Variants in SEMA4D observed in about 807,000 individuals in gnomAD.
The protein encoded by SEMA4D is semaphorin 4D, also known as semaphorin-4D.
A neutral mutation model predicts 74.8 loss-of-function variants in SEMA4D; 22 were observed. That is an observed-to-expected ratio of 0.29 (90% CI 0.21 to 0.42). SEMA4D has a LOEUF of 0.42. Among genes scored for constraint, SEMA4D ranks in the 10% least tolerant of loss-of-function variants. The pLI, the probability that SEMA4D is intolerant of heterozygous loss-of-function variation, is 1.00. For missense variants in SEMA4D, 937 were observed against 1,118.4 expected (o/e 0.84, Z 2.31); for synonymous variants, 445 against 463.7 (o/e 0.96, Z 0.52).
exon 19 of SEMA4D, chr9:89,361,197 T>A (rs1276925046): frequency 3.3e-5 from 5 of 152,252 alleles, no homozygotes; most frequent in African/African-American, 1.2e-4. Context: ...AGGGGGAACG[T>A]GTGGAGACAA....
At position 89,416,464 on chromosome 9, in the gene SEMA4D, C is replaced by T. The variant is rs565501336; in HGVS notation, c.-243-10765G>A. On this transcript the variant is annotated intron_variant, in intron 2 of 15. Coordinates refer to ENST00000422704, the MANE Select transcript of SEMA4D (RefSeq NM_001371194.2). Reference sequence around the variant, plus strand: ...CGAAGACATGTGTAGAGCAACAACACGCGAGGCGCGACCCACCTGTGTCAA... The same window carrying T: ...CGAAGACATGTGTAGAGCAACAACATGCGAGGCGCGACCCACCTGTGTCAA... Among the ~76,000 whole-genome samples, 45 of 152,294 alleles carry T rather than the reference C, an allele frequency of 3.0e-4. No individual in the cohort carries two copies. In the South Asian group the frequency reaches 8.5e-3, roughly 29 times the overall value.
intron 2 of SEMA4D, among the ~76,000 whole-genome samples, chr9:89,429,316 C>T (rs1023572810): frequency 2.6e-5 from 4 of 152,208 alleles, no homozygotes; most frequent in South Asian, 2.1e-4. Context: ...AGGAGAGCAT[C>T]GACATCCCCA....
chr9:89,412,485 G>T (rs1587693621), intron 2 of SEMA4D, among the ~76,000 whole-genome samples: 1 of 152,278 alleles, frequency 6.6e-6, no homozygotes, highest in South Asian at 2.1e-4. Context: ...TGGTTATGTT[G>T]AAAAGAAACC....
chr9:89,438,260 G>A (rs1184166573), intron 2 of SEMA4D, among the ~76,000 whole-genome samples: 1 of 152,272 alleles, frequency 6.6e-6, no homozygotes, highest in Non-Finnish European at 1.5e-5. Flanking sequence ...GACCCAGGAA[G>A]GGTGAAGAGT....
At chr9:89,463,785 T>G (rs916481518) in intron 1 of SEMA4D, among the ~76,000 whole-genome samples, 4 of 151,962 alleles carry the variant, frequency 2.6e-5, no homozygotes, top group African/African-American at 9.7e-5. Flanking sequence ...AATATAAAAA[T>G]TAGCAGGGTG....
At position 89,488,237 on chromosome 9, in the gene SEMA4D, T is replaced by C. The variant is rs1482135857; in HGVS notation, c.-310+9682A>G. On this transcript the variant is annotated intron_variant, in intron 1 of 15. Transcript: ENST00000422704. ...CACTGGAGAAAGAAGAGGCTTGCTGTTGTTGTTTACTTTAAAACAAATGGT... is the reference window on the plus strand; with the variant it reads ...CACTGGAGAAAGAAGAGGCTTGCTGCTGTTGTTTACTTTAAAACAAATGGT... Among the ~76,000 whole-genome samples the C allele has an allele frequency of 2.6e-5, 4 of 152,280 alleles. No individual in the cohort carries two copies. In the East Asian group the frequency reaches 7.7e-4, roughly 29 times the overall value.
intron 2 of SEMA4D, among the ~76,000 whole-genome samples, chr9:89,443,939 C>A (rs1047929680): frequency 6.6e-6 from 1 of 152,178 alleles, no homozygotes; most frequent in African/African-American, 2.4e-5. Context: ...CTGGGCCAGG[C>A]ACAGGCACCT....
intron 1 of SEMA4D, among the ~76,000 whole-genome samples, chr9:89,464,501 AT>A (rs1278748828): frequency 3.3e-5 from 5 of 152,206 alleles, no homozygotes; most frequent in African/African-American, 9.7e-5. Context: ...ACAGGAGTTC[AT>A]CAATAAGGAG....
rs570175545 is a variant in SEMA4D at position 89,458,011 on chromosome 9, C to T, written c.-309-2058G>A. Among the ~76,000 whole-genome samples the T allele has an allele frequency of 1.6e-4, 25 of 152,262 alleles. No homozygotes were observed. In the South Asian group the frequency reaches 4.6e-3, roughly 28 times the overall value. ...TCGTGCCACTGCACTCCAGCCTGGT[C>T]GATAGAGCGAGACTGGGTCTCAAAC... On this transcript the variant is annotated intron_variant, in intron 1 of 15. Transcript: ENST00000422704.
intron 1 of SEMA4D, among the ~76,000 whole-genome samples, chr9:89,481,668 G>A (rs567162580): frequency 6.6e-6 from 1 of 152,366 alleles, no homozygotes; most frequent in South Asian, 2.1e-4. Flanking sequence ...CCCTGGGTGA[G>A]CTCAAGCCAA....
chr9:89,448,113 T>G (rs2135339633), intron 2 of SEMA4D, among the ~76,000 whole-genome samples: 1 of 152,340 alleles, frequency 6.6e-6, no homozygotes, highest in South Asian at 2.1e-4. Flanking sequence ...CAGCTGGGAC[T>G]ACAGGTGCAT....
At chr9:89,391,500 A>G in intron 8 of SEMA4D, 85 bp from the exon 9 acceptor site, 1 of 1,381,676 alleles carries the variant, frequency 7.2e-7, no homozygotes. Context: ...GGCCAACACT[A>G]CCTTGGGGGC....
chr9:89,467,275 G>A (rs1007409922), intron 1 of SEMA4D, among the ~76,000 whole-genome samples: 1 of 152,064 alleles, frequency 6.6e-6, no homozygotes, highest in African/African-American at 2.4e-5. Flanking sequence ...GTAGAACCTG[G>A]ATGACCTTGT....
intron 2 of SEMA4D, chr9:89,450,541 A>G (rs1311180945): frequency 1.8e-5 from 20 of 1,116,060 alleles, no homozygotes; most frequent in South Asian, 3.7e-5. Context: ...CTCCTGCCCA[A>G]TGGCCCCATG....
chr9:89,454,421 C>A (rs955591881), intron 2 of SEMA4D, among the ~76,000 whole-genome samples: 12 of 152,162 alleles, frequency 7.9e-5, no homozygotes, highest in South Asian at 6.2e-4. Flanking sequence ...GTCAGCCCCC[C>A]CCAGATTTTC....
intron 16 of SEMA4D, among the ~76,000 whole-genome samples, chr9:89,370,266 TGTGTG>T (rs1048108624): frequency 2.3e-4 from 35 of 151,472 alleles, no homozygotes; most frequent in Non-Finnish European, 4.4e-4. Context: ...GTGTGTGTGT[TGTGTG>T]GTGGACATGA....
chr9:89,462,966 G>A (rs1394865778), intron 1 of SEMA4D, among the ~76,000 whole-genome samples: 1 of 103,948 alleles, frequency 9.6e-6, no homozygotes, highest in Non-Finnish European at 2.2e-5. Flanking sequence ...GGGAGCGAGC[G>A]AGGGGAGGGG....
chr9:89,360,905 T>C (rs1323300125), exon 19 of SEMA4D: 1 of 152,172 alleles, frequency 6.6e-6, no homozygotes, highest in Non-Finnish European at 1.5e-5. Flanking sequence ...TTCAAGTATG[T>C]AATTATTTTG....
chr9:89,362,321 CCTT>C lies in SEMA4D; in HGVS notation c.*78_*80del, dbSNP rs1207497943. On this transcript the variant is annotated 3_prime_UTR_variant, in exon 19 of 19. Transcript: ENST00000339861. ...CAGTTCACAGTTGTGGGGGACCAGG[CCTT>C]CTCCGGGGGTGGCTGTGGTCAGTGG... The C allele has an allele frequency of 4.3e-6, 7 of 1,612,164 alleles. No individual in the cohort carries two copies. The African/African-American group carries it at 9.3e-5, about 22-fold the overall frequency.
Sources: allele counts gnomAD v4.1 joint callset (sites outside exome capture counted in the v4.1 genomes callset), GRCh38; gene constraint gnomAD v4.1.1; transcripts MANE v1.5; gene names NCBI Gene and HGNC (gene_info 2026-07-23, HGNC 2026-07-21).